The following PAK1 variants were observed in gnomAD, a reference collection of about 807,000 sequenced individuals.
PAK1 encodes the protein serine/threonine-protein kinase PAK 1.
A neutral mutation model predicts 67.4 loss-of-function variants in PAK1; 29 were observed. The ratio of observed to expected loss-of-function variants is 0.43; its 90% CI spans 0.32 to 0.59. PAK1 has a LOEUF of 0.59. Among genes scored for constraint, PAK1 ranks in the 20% least tolerant of loss-of-function variants. The probability of loss-of-function intolerance (pLI) is 0.07; values close to 1 mark genes in which losing one functional copy is unlikely to be tolerated. For synonymous variants in PAK1, 223 were observed against 237.4 expected (o/e 0.94, Z 0.56); for missense variants, 337 against 670.7 (o/e 0.50, Z 5.50).
intron 1 of PAK1, among the ~76,000 whole-genome samples, chr11:77,457,342 C>T (rs1447638217): frequency 2.0e-5 from 3 of 152,134 alleles, no homozygotes; most frequent in African/African-American, 7.2e-5. Flanking sequence ...AAACTAAGGT[C>T]GTGTTCAACT....
chr11:77,448,299 C>T (rs946485182), intron 1 of PAK1, among the ~76,000 whole-genome samples: 7 of 152,164 alleles, frequency 4.6e-5, no homozygotes, highest in African/African-American at 1.4e-4. Context: ...TTACTCAATG[C>T]GTGGTACTTT....
At chr11:77,452,455 A>G (rs3019233) in intron 1 of PAK1, among the ~76,000 whole-genome samples, 36,745 of 152,020 alleles carry the variant, frequency 0.24, 5,057 homozygotes, top group Non-Finnish European at 0.31. Flanking sequence ...ACTAACTTAT[A>G]TAATATTGAA....
chr11:77,522,369 C>A, the PAK1 span, among the ~76,000 whole-genome samples: 1 of 152,164 alleles, frequency 6.6e-6, no homozygotes, highest in Non-Finnish European at 1.5e-5. Flanking sequence ...TCCCAAGGAG[C>A]TTTTCTTAGT....
At chr11:77,360,051 G>C (rs1946574707) in intron 5 of PAK1, among the ~76,000 whole-genome samples, 1 of 152,136 alleles carries the variant, frequency 6.6e-6, no homozygotes, top group Admixed American at 6.6e-5. Flanking sequence ...ATCTGGTATA[G>C]GAGATAGACA....
At chr11:77,371,665 A>T (rs1948446794) in intron 5 of PAK1, among the ~76,000 whole-genome samples, 1 of 152,234 alleles carries the variant, frequency 6.6e-6, no homozygotes, top group African/African-American at 2.4e-5. Context: ...GAAAATAATG[A>T]CATGCTACCA....
chr11:77,517,787 A>G, the PAK1 span, among the ~76,000 whole-genome samples: 85 of 152,204 alleles, frequency 5.6e-4, no homozygotes, highest in Admixed American at 1.2e-3. Context: ...AGACAGTCCT[A>G]TCTGAGGGTG....
intron 14 of PAK1, among the ~76,000 whole-genome samples, 157 bp from the exon 15 acceptor site, chr11:77,323,517 G>A (rs996847835): frequency 1.3e-5 from 2 of 152,138 alleles, no homozygotes; most frequent in African/African-American, 4.8e-5. Context: ...AGACCACTTT[G>A]GAAAACTGTT....
intron 14 of PAK1, among the ~76,000 whole-genome samples, chr11:77,330,581 T>C (rs2136073020): frequency 6.6e-6 from 1 of 152,306 alleles, no homozygotes; most frequent in South Asian, 2.1e-4. Context: ...TGGCTAGCCA[T>C]ATGTAGAAAG....
At chr11:77,441,061 A>G (rs1956334602) in intron 1 of PAK1, among the ~76,000 whole-genome samples, 1 of 152,160 alleles carries the variant, frequency 6.6e-6, no homozygotes, top group African/African-American at 2.4e-5. Flanking sequence ...TCCTCTCCCA[A>G]GAGGCCTGTA....
chr11:77,379,969 C>T lies in PAK1; in HGVS notation c.216G>A (p.Arg72=), dbSNP rs1259337576. The T allele has an allele frequency of 3.1e-6, 5 of 1,613,602 alleles. No homozygotes were observed. The South Asian group carries it at 4.4e-5, about 14-fold the overall frequency. Residue 72 remains arginine, a synonymous_variant, in exon 3 of 15, where the codon CGG becomes CGA. Coordinates refer to ENST00000356341, the MANE Select transcript of PAK1 (RefSeq NM_002576.5). The part of the protein sequence containing the change: ...DKTNKKKEKE[R]PEISLPSDFE... ...AATCTGAAGGGAGAGAAATCTCTGG[C>T]CGCTCTTTCTCTTTCTTTTTATTTG...
the PAK1 span, among the ~76,000 whole-genome samples, chr11:77,491,040 CTTGT>C: frequency 5.3e-5 from 8 of 151,848 alleles, no homozygotes; most frequent in Non-Finnish European, 1.0e-4. Context: ...CCTTTGTTCA[CTTGT>C]TTATCTGCTG....
At chr11:77,423,123 G>GAA (rs571887531) in intron 1 of PAK1, among the ~76,000 whole-genome samples, 47 of 151,616 alleles carry the variant, frequency 3.1e-4, no homozygotes, top group African/African-American at 9.2e-4. Flanking sequence ...AGAGAATCAA[G>GAA]AAAAAGATGC....
At chr11:77,408,768 C>A (rs908327194) in intron 1 of PAK1, among the ~76,000 whole-genome samples, 4 of 151,972 alleles carry the variant, frequency 2.6e-5, no homozygotes, top group African/African-American at 7.3e-5. Flanking sequence ...ATATATAAGG[C>A]GCTCAAACAA....
chr11:77,491,655 G>A, the PAK1 span, among the ~76,000 whole-genome samples: 1 of 152,086 alleles, frequency 6.6e-6, no homozygotes, highest in Middle Eastern at 3.2e-3. Flanking sequence ...ATATATGCAA[G>A]CCTCATGATA....
chr11:77,421,376 C>A (rs1182392624), intron 1 of PAK1, among the ~76,000 whole-genome samples: 1 of 152,220 alleles, frequency 6.6e-6, no homozygotes, highest in Non-Finnish European at 1.5e-5. Context: ...TCAGATAATT[C>A]TTCCCTAACC....
At chr11:77,360,453 C>T (rs1219636580) in intron 5 of PAK1, among the ~76,000 whole-genome samples, 1 of 152,118 alleles carries the variant, frequency 6.6e-6, no homozygotes, top group African/African-American at 2.4e-5. Context: ...ATATGTATTT[C>T]GATATTTTTC....
intron 1 of PAK1, among the ~76,000 whole-genome samples, chr11:77,412,380 G>T (rs1592374330): frequency 6.6e-6 from 1 of 152,036 alleles, no homozygotes; most frequent in East Asian, 1.9e-4. Context: ...ATGCTAGGTG[G>T]GCCCCTATAG....
At chr11:77,464,078 T>C (rs1957485010) in intron 1 of PAK1, among the ~76,000 whole-genome samples, 1 of 152,236 alleles carries the variant, frequency 6.6e-6, no homozygotes, top group South Asian at 2.1e-4. Context: ...TTTTTCAGTA[T>C]TGTCTTCAAA....
intron 1 of PAK1, among the ~76,000 whole-genome samples, chr11:77,429,129 T>C (rs998513566): frequency 2.4e-5 from 3 of 122,880 alleles, no homozygotes; most frequent in East Asian, 2.5e-4. Flanking sequence ...TTGGCTGGTA[T>C]AGAGAAAGTA....
Sources: allele counts gnomAD v4.1 joint callset (sites outside exome capture counted in the v4.1 genomes callset), GRCh38; gene constraint gnomAD v4.1.1; transcripts MANE v1.5; gene names NCBI Gene and HGNC (gene_info 2026-07-23, HGNC 2026-07-21).